Variants in SEM1 observed in about 807,000 individuals in gnomAD.
SEM1 encodes the protein SEM1 26S proteasome subunit.
Under a neutral mutation model 12.7 loss-of-function variants are expected in SEM1, and 3 were observed. The ratio of observed to expected loss-of-function variants is 0.24; its 90% confidence interval spans 0.11 to 0.61. The LOEUF is 0.61. Ranked by LOEUF, SEM1 falls within the 20% of genes least tolerant of loss-of-function variation. The probability of loss-of-function intolerance (pLI) is 0.88; values close to 1 mark genes in which losing one functional copy is unlikely to be tolerated. For missense variants in SEM1, 59 were observed against 81.3 expected (o/e 0.73, Z 1.06); for synonymous variants, 30 against 27.8 (o/e 1.08, Z -0.25).
At chr7:96,663,054 TG>T (rs905433896) in intron 2 of SEM1, among the ~76,000 whole-genome samples, 2 of 149,788 alleles carry the variant, frequency 1.3e-5, no homozygotes, top group African/African-American at 2.4e-5. Flanking sequence ...TATGTGATTT[TG>T]TTTTTTTTTA....
rs1319226444 is a variant in SEM1 at position 96,636,196 on chromosome 7, A to G, written c.171-13553T>C. Among the ~76,000 whole-genome samples the G allele has an allele frequency of 4.6e-5, 7 of 152,212 alleles. No individual in the cohort carries two copies. In the South Asian group the frequency reaches 1.2e-3, roughly 27 times the overall value. On this transcript the variant is annotated intron_variant, in intron 2 of 2. Coordinates refer to the SEM1 transcript ENST00000417009. ...GCAATATAAGAATGTCAAGGAAGATATATAACACAAGGTGAAGCAAGGTGA... is the reference window on the plus strand; with the variant it reads ...GCAATATAAGAATGTCAAGGAAGATGTATAACACAAGGTGAAGCAAGGTGA...
At chr7:96,664,495 A>C (rs974323178) in intron 2 of SEM1, among the ~76,000 whole-genome samples, 6 of 152,164 alleles carry the variant, frequency 3.9e-5, no homozygotes, top group Non-Finnish European at 8.8e-5. Flanking sequence ...CTCTCTGATC[A>C]ATTCTTTGGC....
Position 96,483,877 on chromosome 7 carries a change from T to C in SEM1, c.369A>G (p.Pro123=), listed in dbSNP as rs1162842758. 4 of 1,536,604 alleles carry C rather than the reference T, an allele frequency of 2.6e-6. No individual in the cohort carries two copies. In the South Asian group the frequency reaches 4.8e-5, roughly 18 times the overall value. ...TATGCTGCTAGCAAGTTCTTTCTGC[T>C]GGGGCCAGATTGTAGAGGTCACCCG... Residue 123 remains proline (P), a synonymous_variant, in exon 4 of 4, where the codon CCA becomes CCG. Coordinates refer to the SEM1 transcript ENST00000356686.
At chr7:96,674,829 C>CATCTAAGA (rs113703757) in intron 2 of SEM1, among the ~76,000 whole-genome samples, 23,875 of 151,950 alleles carry the variant, frequency 0.16, 3,461 homozygotes, top group African/African-American at 0.39. Flanking sequence ...TGAAAAATCA[C>CATCTAAGA]ATCTAAGAGA....
intron 2 of SEM1, among the ~76,000 whole-genome samples, chr7:96,636,190 G>A (rs1456563181): frequency 2.6e-5 from 4 of 151,978 alleles, no homozygotes; most frequent in Non-Finnish European, 5.9e-5. Context: ...GAATGTCAAG[G>A]AAGATATATA....
intron 1 of SEM1, among the ~76,000 whole-genome samples, chr7:96,697,866 A>C (rs1790146761): frequency 6.6e-6 from 1 of 151,864 alleles, no homozygotes; most frequent in Admixed American, 6.6e-5. Context: ...GAAACAAATT[A>C]TTTTTTTTGA....
chr7:96,607,707 T>C, intron 2 of SEM1, among the ~76,000 whole-genome samples: 1 of 152,186 alleles, frequency 6.6e-6, no homozygotes, highest in Admixed American at 6.5e-5. Flanking sequence ...AGATACTCTC[T>C]TCCTTGAGTC....
chr7:96,687,549 C>T (rs951115403), downstream of SEM1, among the ~76,000 whole-genome samples: 77 of 151,642 alleles, frequency 5.1e-4, no homozygotes, highest in Middle Eastern at 3.4e-3. Context: ...AACCAAACAC[C>T]GCATGTTCTC....
At chr7:96,699,236 C>T (rs1276171244) in intron 1 of SEM1, among the ~76,000 whole-genome samples, 4 of 152,184 alleles carry the variant, frequency 2.6e-5, no homozygotes, top group African/African-American at 9.6e-5. Flanking sequence ...CTTCTACCTC[C>T]CTTACTGTTG....
At chr7:96,695,304 T>C (rs1005363686) in intron 1 of SEM1, 2 of 153,748 alleles carry the variant, frequency 1.3e-5, no homozygotes, top group Admixed American at 6.5e-5. Context: ...TACAAATATT[T>C]AAAAGTAGAC....
intron 2 of SEM1, among the ~76,000 whole-genome samples, chr7:96,611,000 C>T (rs951999425): frequency 3.3e-5 from 5 of 152,122 alleles, no homozygotes; most frequent in African/African-American, 7.2e-5. Flanking sequence ...TTAATTCCCC[C>T]GACCCCCAGG....
In SEM1 at chr7:96,506,537, C is replaced by T. The variant is rs144002507; in HGVS notation, c.*60+86G>A. 1.7e-3 allele frequency: 257 copies of T among 152,118 alleles called. 1 individual carries two copies. The highest frequency in any genetic ancestry group is 6.0e-3 in the African/African-American group (249 of 41,524). The allele number at this position is 152,118 out of a possible 1,614,324, so 9.4% of individuals were successfully genotyped here. ...TAAGGAAACTCCAAAATTTAAATGT[C>T]AGAGGATGGTCCAGTCCTATAAGTT... On this transcript the variant is annotated intron_variant and NMD_transcript_variant, in intron 3 of 3. Transcript: ENST00000466986.
At chr7:96,490,576 G>A (rs1044948521) in intron 1 of SEM1, among the ~76,000 whole-genome samples, 1 of 152,156 alleles carries the variant, frequency 6.6e-6, no homozygotes, top group African/African-American at 2.4e-5. Context: ...CCACAGGGGT[G>A]TCTCTTTAAA....
At chr7:96,690,001 T>A (rs534604446) in intron 2 of SEM1, among the ~76,000 whole-genome samples, 1 of 152,164 alleles carries the variant, frequency 6.6e-6, no homozygotes, top group Non-Finnish European at 1.5e-5. Flanking sequence ...GTTATACAAA[T>A]GTAATGTAGT....
At chr7:96,582,197 G>A (rs1486602114) in intron 2 of SEM1, among the ~76,000 whole-genome samples, 2 of 150,996 alleles carry the variant, frequency 1.3e-5, no homozygotes, top group Non-Finnish European at 2.9e-5. Flanking sequence ...GTTGAATTTT[G>A]TCAAAGGCCT....
chr7:96,635,726 G>A lies in SEM1; in HGVS notation c.171-13083C>T, dbSNP rs1447316887. On this transcript the variant is annotated intron_variant, in intron 2 of 2. Transcript: ENST00000417009. ...ACCTTTTAGAATGAGAGGCAAGGAG[G>A]TGGAGATAGCTACTTTTGACAACCT... Among the ~76,000 whole-genome samples, 4 of 152,072 alleles carry A rather than the reference G, an allele frequency of 2.6e-5. No homozygotes were observed. In the South Asian group the frequency reaches 8.3e-4, roughly 31 times the overall value.
intron 2 of SEM1, among the ~76,000 whole-genome samples, chr7:96,638,267 G>C (rs1808489875): frequency 6.6e-6 from 1 of 151,832 alleles, no homozygotes; most frequent in South Asian, 2.1e-4. Flanking sequence ...CACTCGCTTT[G>C]CTCTGTCATT....
At chr7:96,567,820 T>G (rs1805890065) in intron 2 of SEM1, among the ~76,000 whole-genome samples, 1 of 151,538 alleles carries the variant, frequency 6.6e-6, no homozygotes, top group South Asian at 2.1e-4. Context: ...TCTTAATTTT[T>G]TGTCTTGGTT....
chr7:96,533,150 A>G (rs1804688652), intron 2 of SEM1, among the ~76,000 whole-genome samples: 1 of 152,076 alleles, frequency 6.6e-6, no homozygotes, highest in Admixed American at 6.6e-5. Context: ...AACTAGCCAC[A>G]TTCTTAACAC....
Sources: gnomAD v4.1 joint callset for allele counts (sites outside exome capture counted in the v4.1 genomes callset) on GRCh38, gnomAD v4.1.1 for gene constraint, MANE v1.5 for transcripts, NCBI Gene and HGNC (gene_info 2026-07-23, HGNC 2026-07-21) for gene names.